Variants in PRKD1 observed in about 807,000 individuals in gnomAD.
PRKD1 encodes the protein serine/threonine-protein kinase D1.
PRKD1 carries 63 observed loss-of-function variants against 95.9 expected under a neutral mutation model. That is an observed-to-expected ratio of 0.66 (90% CI 0.54 to 0.81). The LOEUF is 0.81. Ranked by LOEUF, PRKD1 falls within the 30% of genes least tolerant of loss-of-function variation. The pLI, the probability that PRKD1 is intolerant of heterozygous loss-of-function variation, is 0.00. For missense variants in PRKD1, 1,048 were observed against 1,165.3 expected, an observed-to-expected ratio of 0.90 and a Z score of 1.47; for synonymous variants, 425 against 423.1, an observed-to-expected ratio of 1.00 and a Z score of -0.05.
In PRKD1 at chr14:29,696,609, G is replaced by C. The variant is rs1294151878; in HGVS notation, c.403+28927C>G. Among the ~76,000 whole-genome samples, 7 of 152,246 alleles carry C rather than the reference G, an allele frequency of 4.6e-5. No individual in the cohort carries two copies. The East Asian group carries it at 5.8e-4, about 13-fold the overall frequency. ...AACCACTGATTTGTAAATTTTATAT[G>C]AGTGAATTTTATGGTATATGAATTA... On this transcript the variant is annotated intron_variant, in intron 2 of 17. Transcript: ENST00000331968.
At chr14:29,681,820 T>C (rs1326809332) in intron 2 of PRKD1, among the ~76,000 whole-genome samples, 1 of 152,236 alleles carries the variant, frequency 6.6e-6, no homozygotes, top group Non-Finnish European at 1.5e-5. Flanking sequence ...TAGCTTTAAT[T>C]CTGCTCTTTT....
rs888283550 is a variant in PRKD1 at position 29,927,687 on chromosome 14, G to C, written c.-175C>G. The C allele has an allele frequency of 3.8e-6, 1 of 260,892 alleles. No individual in the cohort carries two copies. Among genetic ancestry groups the C allele is most frequent in the Non-Finnish European group, 6.5e-6 (1 of 153,700 alleles). 16.2% of individuals were successfully genotyped at this position (260,892 alleles called of 1,614,324 possible). ...AGGGCAAGGGGATGAGGATCGGGAGGGGAGGGGACTAAGGGGAGGAGATGG... is the reference window on the plus strand; with the variant it reads ...AGGGCAAGGGGATGAGGATCGGGAGCGGAGGGGACTAAGGGGAGGAGATGG... On this transcript the variant is annotated 5_prime_UTR_variant, in exon 1 of 18. Coordinates refer to ENST00000331968, the MANE Select transcript of PRKD1 (RefSeq NM_002742.3).
chr14:29,826,720 TAC>T (rs1468462660), intron 1 of PRKD1, among the ~76,000 whole-genome samples: 3 of 63,540 alleles, frequency 4.7e-5, no homozygotes, highest in East Asian at 3.6e-4. Flanking sequence ...CATATATATA[TAC>T]ATATATATAC....
At chr14:29,924,855 A>C (rs1162603692) in intron 1 of PRKD1, among the ~76,000 whole-genome samples, 1 of 152,144 alleles carries the variant, frequency 6.6e-6, no homozygotes, top group Non-Finnish European at 1.5e-5. Context: ...ACACACAGAG[A>C]TCCTGTATCC....
At chr14:29,700,985 C>CGT (rs1566547946) in intron 2 of PRKD1, among the ~76,000 whole-genome samples, 2 of 141,536 alleles carry the variant, frequency 1.4e-5, no homozygotes, top group East Asian at 2.5e-4. Context: ...TGCGCGCGCG[C>CGT]GCGCACACAC....
intron 3 of PRKD1, among the ~76,000 whole-genome samples, chr14:29,664,582 A>G (rs1882376082): frequency 6.6e-6 from 1 of 152,188 alleles, no homozygotes; most frequent in Non-Finnish European, 1.5e-5. Context: ...TTTCTTCCAG[A>G]TTATTGTCTG....
intron 4 of PRKD1, among the ~76,000 whole-genome samples, chr14:29,663,199 T>A (rs1024108925): frequency 1.4e-4 from 20 of 146,178 alleles, no homozygotes; most frequent in African/African-American, 4.8e-4. Context: ...ATTTAAAGTG[T>A]TAAGTCCTAT....
intron 1 of PRKD1, among the ~76,000 whole-genome samples, chr14:29,832,576 GTAACCATAC>G: frequency 1.3e-5 from 2 of 151,800 alleles, no homozygotes; most frequent in Non-Finnish European, 2.9e-5. Flanking sequence ...TCAAATTTAT[GTAACCATAC>G]GTTTTTCATC....
intron 1 of PRKD1, among the ~76,000 whole-genome samples, chr14:29,884,763 G>A (rs1361413615): frequency 1.3e-5 from 2 of 152,178 alleles, no homozygotes; most frequent in Non-Finnish European, 2.9e-5. Flanking sequence ...ATGCAGAGTG[G>A]AGCAAGCAGC....
At chr14:29,917,717 T>C (rs750473417) in intron 1 of PRKD1, among the ~76,000 whole-genome samples, 2 of 152,150 alleles carry the variant, frequency 1.3e-5, no homozygotes, top group Admixed American at 6.5e-5. Context: ...GTGAAAAACT[T>C]TGTATACTGA....
intron 13 of PRKD1, among the ~76,000 whole-genome samples, chr14:29,619,752 T>C (rs1029593697): frequency 6.6e-6 from 1 of 152,114 alleles, no homozygotes; most frequent in Non-Finnish European, 1.5e-5. Context: ...TCAAAGTAGG[T>C]GAGCTTAACT....
intron 2 of PRKD1, among the ~76,000 whole-genome samples, chr14:29,697,853 T>A (rs1884616759): frequency 6.6e-6 from 1 of 152,138 alleles, no homozygotes; most frequent in South Asian, 2.1e-4. Context: ...TGATATTATA[T>A]AAGAACCCTG....
rs545095010 is a variant in PRKD1 at position 29,609,354 on chromosome 14, G to T, written c.1906-9537C>A. 7.2e-5 allele frequency among the ~76,000 whole-genome samples: 11 copies of T among 152,172 alleles called. No individual in the cohort carries two copies. The East Asian group carries it at 2.1e-3, about 29-fold the overall frequency. On this transcript the variant is annotated intron_variant, in intron 13 of 17. Coordinates refer to ENST00000331968, the MANE Select transcript of PRKD1 (RefSeq NM_002742.3). ...GGCTAGCTTATAATGCACAATGCATGATTACAATTTTTTCATCATAAATTA... is the reference window on the plus strand; with the variant it reads ...GGCTAGCTTATAATGCACAATGCATTATTACAATTTTTTCATCATAAATTA...
intron 13 of PRKD1, among the ~76,000 whole-genome samples, chr14:29,623,111 A>G (rs953768545): frequency 6.6e-6 from 1 of 152,188 alleles, no homozygotes; most frequent in African/African-American, 2.4e-5. Context: ...TAGTATCTTC[A>G]CATCCATGGT....
At chr14:29,717,355 G>A (rs1885661498) in intron 2 of PRKD1, among the ~76,000 whole-genome samples, 1 of 152,076 alleles carries the variant, frequency 6.6e-6, no homozygotes, top group Non-Finnish European at 1.5e-5. Context: ...TTATTCTCAT[G>A]AATTCTACAG....
In PRKD1 at chr14:29,800,332, T is replaced by G. The variant is rs142133007; in HGVS notation, c.265-74658A>C. 4.0e-3 allele frequency among the ~76,000 whole-genome samples: 609 copies of G among 152,328 alleles called. 5 individuals are homozygous for G. The highest frequency in any genetic ancestry group is 0.014 in the African/African-American group (564 of 41,570). On this transcript the variant is annotated intron_variant, in intron 1 of 17. Transcript: ENST00000331968. ...CCATTCCAAGGAGAGTCCGCACTGGTTGCGTAGAGGCGTGCTTGCATTTGT... is the reference window on the plus strand; with the variant it reads ...CCATTCCAAGGAGAGTCCGCACTGGGTGCGTAGAGGCGTGCTTGCATTTGT...
At chr14:29,779,764 C>T (rs1355009553) in intron 1 of PRKD1, among the ~76,000 whole-genome samples, 1 of 152,166 alleles carries the variant, frequency 6.6e-6, no homozygotes, top group African/African-American at 2.4e-5. Context: ...CAATGACTTT[C>T]TTCACAGAAT....
chr14:29,873,902 G>A (rs1893198337), intron 1 of PRKD1, among the ~76,000 whole-genome samples: 1 of 151,972 alleles, frequency 6.6e-6, no homozygotes, highest in South Asian at 2.1e-4. Flanking sequence ...GGCCAAATTT[G>A]TTTATGCCAC....
intron 1 of PRKD1, among the ~76,000 whole-genome samples, chr14:29,821,401 A>T (rs1246204759): frequency 3.9e-5 from 6 of 152,198 alleles, no homozygotes; most frequent in African/African-American, 1.4e-4. Flanking sequence ...CTAACATTCA[A>T]TTCACTAAGG....
Sources: allele counts gnomAD v4.1 joint callset (sites outside exome capture counted in the v4.1 genomes callset), GRCh38; gene constraint gnomAD v4.1.1; transcripts MANE v1.5; gene names NCBI Gene and HGNC (gene_info 2026-07-23, HGNC 2026-07-21).